The following KCNIP4 variants were observed in gnomAD, a reference collection of about 807,000 sequenced individuals.
KCNIP4 encodes potassium voltage-gated channel interacting protein 4.
Under a neutral mutation model 34.0 loss-of-function variants are expected in KCNIP4, and 12 were observed. That is an observed-to-expected ratio of 0.35 (90% confidence interval 0.23 to 0.57). The LOEUF is 0.57. KCNIP4 is among the 20% of genes least tolerant of loss of function. The probability of loss-of-function intolerance (pLI) is 0.83; values close to 1 mark genes in which losing one functional copy is unlikely to be tolerated. For synonymous variants in KCNIP4, 124 were observed against 102.2 expected, an observed-to-expected ratio of 1.21 and a Z score of -1.29; for missense variants, 238 against 311.7, an observed-to-expected ratio of 0.76 and a Z score of 1.78.
chr4:21,182,840 T>G (rs192729591), intron 1 of KCNIP4, among the ~76,000 whole-genome samples: 2 of 152,154 alleles, frequency 1.3e-5, no homozygotes, highest in African/African-American at 4.8e-5. Context: ...TCAAGAGAGA[T>G]AATTTACATA....
intron 1 of KCNIP4, among the ~76,000 whole-genome samples, chr4:21,908,237 T>C (rs1728105352): frequency 6.6e-6 from 1 of 152,180 alleles, no homozygotes; most frequent in Non-Finnish European, 1.5e-5. Context: ...GCAGGAACTA[T>C]TCCACACTTC....
At chr4:21,198,879 A>G (rs1756258838) in intron 1 of KCNIP4, among the ~76,000 whole-genome samples, 1 of 152,142 alleles carries the variant, frequency 6.6e-6, no homozygotes, top group Non-Finnish European at 1.5e-5. Context: ...TGCAGTACTG[A>G]CACTGACCTG....
At chr4:21,134,383 T>C (rs1289083591) in intron 1 of KCNIP4, among the ~76,000 whole-genome samples, 1 of 152,216 alleles carries the variant, frequency 6.6e-6, no homozygotes, top group Admixed American at 6.5e-5. Context: ...CCACATACAA[T>C]ACACATAGCA....
rs560674281 is a variant in KCNIP4, at chr4:20,961,317, A to G, written c.62-78608T>C. Among the ~76,000 whole-genome samples the G allele has an allele frequency of 8.9e-4, 135 of 152,290 alleles. 1 individual carries two copies. The highest frequency in any genetic ancestry group is 1.5e-3 in the Non-Finnish European group (100 of 68,024). On this transcript the variant is annotated intron_variant, in intron 1 of 8. Transcript: ENST00000382152. ...AGAAAACATCCTGAATTAAAAAGCT[A>G]TCTAACTTTATCCAGCCACCATCCT...
chr4:20,926,341 T>G (rs1729895780), intron 1 of KCNIP4, among the ~76,000 whole-genome samples: 2 of 152,228 alleles, frequency 1.3e-5, no homozygotes, highest in African/African-American at 4.8e-5. Flanking sequence ...AGAATGCAAC[T>G]TTTTATCCCC....
chr4:21,074,097 T>C (rs999830787), intron 1 of KCNIP4, among the ~76,000 whole-genome samples: 1 of 152,206 alleles, frequency 6.6e-6, no homozygotes, highest in African/African-American at 2.4e-5. Flanking sequence ...TCTAAAATTC[T>C]CTTTTTTTGT....
chr4:21,407,599 T>A (rs1724105504), intron 1 of KCNIP4, among the ~76,000 whole-genome samples: 1 of 152,170 alleles, frequency 6.6e-6, no homozygotes, highest in South Asian at 2.1e-4. Flanking sequence ...GCTAAATATC[T>A]TAAGCAAACT....
At chr4:21,277,524 C>T (rs1004788666) in intron 1 of KCNIP4, among the ~76,000 whole-genome samples, 1 of 152,084 alleles carries the variant, frequency 6.6e-6, no homozygotes, top group Admixed American at 6.5e-5. Context: ...AAACAACTCT[C>T]ATAAATTCAA....
At chr4:20,899,177 A>AT (rs1157491069) in intron 1 of KCNIP4, among the ~76,000 whole-genome samples, 2 of 152,186 alleles carry the variant, frequency 1.3e-5, no homozygotes, top group Admixed American at 1.3e-4. Context: ...AATAAATTGT[A>AT]TTTTTTAAAA....
At chr4:21,108,911 C>A (rs151114721) in intron 1 of KCNIP4, among the ~76,000 whole-genome samples, 4 of 152,260 alleles carry the variant, frequency 2.6e-5, no homozygotes, top group African/African-American at 9.6e-5. Context: ...TGCAGAACAG[C>A]GGATTTTCGT....
At chr4:20,826,040 T>A (rs577557588) in intron 3 of KCNIP4, among the ~76,000 whole-genome samples, 20 of 151,434 alleles carry the variant, frequency 1.3e-4, no homozygotes, top group African/African-American at 4.6e-4. Context: ...ACAGGTTCAG[T>A]GGAATGTTAG....
intron 1 of KCNIP4, among the ~76,000 whole-genome samples, chr4:21,834,200 G>A (rs1306861010): frequency 5.3e-5 from 8 of 152,116 alleles, no homozygotes; most frequent in Admixed American, 2.0e-4. Context: ...CCATTTTCAC[G>A]ATATTGATTC....
At chr4:21,629,396 G>A (rs1745554935) in intron 1 of KCNIP4, among the ~76,000 whole-genome samples, 1 of 152,154 alleles carries the variant, frequency 6.6e-6, no homozygotes, top group African/African-American at 2.4e-5. Context: ...GGCTCCTTAA[G>A]GAAGCAATAA....
intron 1 of KCNIP4, among the ~76,000 whole-genome samples, chr4:21,223,510 A>G (rs923924025): frequency 4.6e-5 from 7 of 152,208 alleles, no homozygotes; most frequent in African/African-American, 1.7e-4. Flanking sequence ...CAGTTCAATC[A>G]TTCTCTCTGT....
intron 1 of KCNIP4, among the ~76,000 whole-genome samples, chr4:21,947,162 A>G (rs922277698): frequency 6.6e-6 from 1 of 152,158 alleles, no homozygotes; most frequent in Non-Finnish European, 1.5e-5. Flanking sequence ...TATTCTAAAG[A>G]ACTGCAAAGA....
intron 1 of KCNIP4, among the ~76,000 whole-genome samples, chr4:21,367,489 T>G (rs1719907480): frequency 1.5e-5 from 2 of 130,822 alleles, no homozygotes; most frequent in Non-Finnish European, 2.9e-5. Flanking sequence ...ACATACTTAT[T>G]GCCTTTCAAG....
Position 21,008,579 on chromosome 4 carries a change from A to T in KCNIP4, c.62-125870T>A, listed in dbSNP as rs371299102. ...CGCTCTGTCGCCCAGGTTGGAGTGC[A>T]GTGGTGCGATCTCGGCTCACTGCAA... On this transcript the variant is annotated intron_variant, in intron 1 of 8. Transcript: ENST00000382152. Among the ~76,000 whole-genome samples the T allele has an allele frequency of 3.7e-3, 566 of 151,370 alleles. 5 individuals carry two copies. Among genetic ancestry groups the T allele is most frequent in the African/African-American group, 0.013 (539 of 41,102 alleles).
chr4:21,097,724 C>T (rs1030723076), intron 1 of KCNIP4, among the ~76,000 whole-genome samples: 42 of 152,184 alleles, frequency 2.8e-4, no homozygotes, highest in Non-Finnish European at 4.9e-4. Flanking sequence ...CTCCCTCTCC[C>T]CCAGCTTCCA....
chr4:20,753,979 C>T (rs1157490955), intron 4 of KCNIP4, among the ~76,000 whole-genome samples: 1 of 152,130 alleles, frequency 6.6e-6, no homozygotes, highest in Non-Finnish European at 1.5e-5. Flanking sequence ...AACATAAGTG[C>T]ATTCCTACAA....
Sources: gnomAD v4.1 joint callset for allele counts (sites outside exome capture counted in the v4.1 genomes callset) on GRCh38, gnomAD v4.1.1 for gene constraint, MANE v1.5 for transcripts, NCBI Gene and HGNC (gene_info 2026-07-23, HGNC 2026-07-21) for gene names.